Variants in LRRFIP2 observed in about 807,000 individuals in gnomAD.
The protein encoded by LRRFIP2 is leucine-rich repeat flightless-interacting protein 2.
LRRFIP2 carries 109 observed loss-of-function variants against 125.9 expected under a neutral mutation model. That is an observed-to-expected ratio of 0.87 (90% CI 0.74 to 1.01). The LOEUF (loss-of-function observed/expected upper bound fraction) is 1.01, where lower values mean the gene tolerates loss of function less well. Among genes scored for constraint, LRRFIP2 ranks in the 50% least tolerant of loss-of-function variants. The pLI, the probability that LRRFIP2 is intolerant of heterozygous loss-of-function variation, is 0.00. For missense variants in LRRFIP2, 850 were observed against 862.3 expected (o/e 0.99, Z 0.18); for synonymous variants, 291 against 293.1 (o/e 0.99, Z 0.07).
In LRRFIP2 at chr3:37,116,762, A is replaced by G. The variant is rs372904889; in HGVS notation, c.331-1667T>C. Among the ~76,000 whole-genome samples, 11 of 152,166 alleles carry G rather than the reference A, an allele frequency of 7.2e-5. No homozygotes were observed. In the East Asian group the frequency reaches 1.5e-3, roughly 21 times the overall value. On this transcript the variant is annotated intron_variant, in intron 6 of 27. Coordinates refer to ENST00000336686, the MANE Select transcript of LRRFIP2 (RefSeq NM_006309.4). ...TTCATGCCTAATGAAATGGTCATTT[A>G]CAAAAAACATTGCAGAAACCTCAAA...
intron 22 of LRRFIP2, 25 bp downstream of exon 22, chr3:37,066,199 G>A: frequency 6.3e-7 from 1 of 1,590,870 alleles, no homozygotes; most frequent in Non-Finnish European, 8.6e-7. Flanking sequence ...TGAGGGACCT[G>A]AATTCCAGGC....
intron 1 of LRRFIP2, among the ~76,000 whole-genome samples, chr3:37,159,900 C>T (rs1257606875): frequency 7.0e-6 from 1 of 142,310 alleles, no homozygotes; most frequent in Non-Finnish European, 1.5e-5. Flanking sequence ...CAAAAATTAG[C>T]CAGGTATAGT....
chr3:37,149,107 C>T, intron 1 of LRRFIP2, 69 bp from the exon 2 acceptor site: 6 of 1,302,048 alleles, frequency 4.6e-6, no homozygotes, highest in Non-Finnish European at 6.2e-6. Context: ...TTTATATATT[C>T]ACTTTTAACA....
intron 13 of LRRFIP2, among the ~76,000 whole-genome samples, chr3:37,106,858 A>ATACAATGCAAAAATATG (rs778979107): frequency 1.7e-4 from 26 of 152,276 alleles, no homozygotes; most frequent in Non-Finnish European, 2.9e-4. Context: ...ATAAGTGTCT[A>ATACAATGCAAAAATATG]TAGTAGCAAA....
chr3:37,132,184 G>C (rs564519664), intron 2 of LRRFIP2, among the ~76,000 whole-genome samples: 25 of 151,946 alleles, frequency 1.6e-4, no homozygotes, highest in Middle Eastern at 3.4e-3. Flanking sequence ...AGCTTAAGTA[G>C]ATAGCAAATG....
At chr3:37,151,161 C>T (rs2096011303) in intron 1 of LRRFIP2, among the ~76,000 whole-genome samples, 1 of 152,102 alleles carries the variant, frequency 6.6e-6, no homozygotes, top group Non-Finnish European at 1.5e-5. Context: ...GAGTTCAAGA[C>T]CAGTCTGGCC....
chr3:37,105,670 T>G, intron 13 of LRRFIP2, 147 bp from the exon 14 acceptor site: 1 of 547,938 alleles, frequency 1.8e-6, no homozygotes, highest in Non-Finnish European at 3.2e-6. Flanking sequence ...ACCTTATATA[T>G]TAATAAAAAA....
At position 37,076,709 on chromosome 3, in the gene LRRFIP2, A is replaced by C. The variant is rs542786035; in HGVS notation, c.1279-1593T>G. 2.1e-4 allele frequency among the ~76,000 whole-genome samples: 32 copies of C among 152,020 alleles called. No individual in the cohort carries two copies. In the East Asian group the frequency reaches 6.1e-3, roughly 29 times the overall value. ...TAGAGAAACCCTGTCTCTACTAAAA[A>C]TACAAAATTAGTCAGGCGTGGTGGT... is the stretch of plus-strand genomic sequence containing the variant. On this transcript the variant is annotated intron_variant, in intron 19 of 27. Transcript: ENST00000336686.
chr3:37,061,772 G>C (rs2088818414), intron 24 of LRRFIP2, among the ~76,000 whole-genome samples: 1 of 151,988 alleles, frequency 6.6e-6, no homozygotes, highest in Non-Finnish European at 1.5e-5. Context: ...CCCTTCCAAG[G>C]ATCTTGCTAT....
Position 37,065,956 on chromosome 3 carries a change from A to C in LRRFIP2, c.1567-14T>G. On this transcript the variant is annotated splice_polypyrimidine_tract_variant and intron_variant, in intron 22 of 27. Transcript: ENST00000336686. ...TAAGCCATGTTTCTGCAGGGGGGAA[A>C]AACCCACCATCACAAAAGGCCCGTA... The C allele has an allele frequency of 6.2e-7, 1 of 1,614,076 alleles. No individual in the cohort carries two copies. The highest frequency in any genetic ancestry group is 2.2e-5 in the East Asian group (1 of 44,880).
chr3:37,160,424 A>G (rs1186233288), intron 1 of LRRFIP2, among the ~76,000 whole-genome samples: 9 of 152,196 alleles, frequency 5.9e-5, no homozygotes, highest in African/African-American at 1.7e-4. Context: ...ACCATCATTA[A>G]TATCTTCAGA....
chr3:37,078,676 G>A (rs192542018), intron 19 of LRRFIP2, among the ~76,000 whole-genome samples: 10 of 152,212 alleles, frequency 6.6e-5, no homozygotes, highest in Admixed American at 1.3e-4. Context: ...CATAAACACT[G>A]ACCTACTTGG....
At chr3:37,063,950 G>A in intron 23 of LRRFIP2, 159 bp from the exon 24 acceptor site, 1 of 595,820 alleles carries the variant, frequency 1.7e-6, no homozygotes, top group South Asian at 2.3e-5. Context: ...TAGCATTACA[G>A]AAAAGTTCTT....
intron 1 of LRRFIP2, among the ~76,000 whole-genome samples, chr3:37,159,282 A>C (rs545803754): frequency 6.6e-6 from 1 of 152,176 alleles, no homozygotes; most frequent in Non-Finnish European, 1.5e-5. Flanking sequence ...CCTTGTCAAA[A>C]ATCAACTGAC....
upstream of LRRFIP2, among the ~76,000 whole-genome samples, chr3:37,175,382 C>A (rs2096645440): frequency 6.6e-6 from 1 of 152,180 alleles, no homozygotes; most frequent in South Asian, 2.1e-4. Context: ...ATTTATCTAG[C>A]CATGTCTCAG....
In LRRFIP2 at chr3:37,091,447, T is replaced by G; in HGVS notation, c.1107+20A>C. 6 of 1,596,654 alleles carry G rather than the reference T, an allele frequency of 3.8e-6. No homozygotes were observed. The highest frequency in any genetic ancestry group is 5.1e-6 in the Non-Finnish European group (6 of 1,172,364). On this transcript the variant is annotated intron_variant, in intron 18 of 27. Transcript: ENST00000336686. ...TTCTGCATACAGAGCATGCTTGGGC[T>G]GCAGAATGGGCCCTGATACCTTTAG...
intron 1 of LRRFIP2, among the ~76,000 whole-genome samples, chr3:37,155,071 T>C (rs959864167): frequency 6.6e-6 from 1 of 152,336 alleles, no homozygotes; most frequent in Admixed American, 6.5e-5. Flanking sequence ...TTGTTGCCAC[T>C]TGACAAAACT....
At chr3:37,121,016 GT>G (rs530937532) in intron 6 of LRRFIP2, among the ~76,000 whole-genome samples, 31 of 152,192 alleles carry the variant, frequency 2.0e-4, no homozygotes, top group African/African-American at 6.3e-4. Flanking sequence ...TAATCAAAAT[GT>G]CAAAGCATGA....
At chr3:37,113,268 G>T (rs529220477) in intron 7 of LRRFIP2, among the ~76,000 whole-genome samples, 1 of 152,138 alleles carries the variant, frequency 6.6e-6, no homozygotes, top group South Asian at 2.1e-4. Flanking sequence ...CAGAATATTT[G>T]TGGAGACCTT....
Sources: gnomAD v4.1 joint callset for allele counts (sites outside exome capture counted in the v4.1 genomes callset) on GRCh38, gnomAD v4.1.1 for gene constraint, MANE v1.5 for transcripts, NCBI Gene and HGNC (gene_info 2026-07-23, HGNC 2026-07-21) for gene names.